Variants in CACNB2 observed in about 807,000 individuals in gnomAD.
The protein encoded by CACNB2 is calcium voltage-gated channel auxiliary subunit beta 2, also known as voltage-dependent L-type calcium channel subunit beta-2.
CACNB2 carries 42 observed loss-of-function variants against 73.3 expected under a neutral mutation model. That is an observed-to-expected ratio of 0.57 (90% CI 0.45 to 0.74). The LOEUF (loss-of-function observed/expected upper bound fraction) is 0.74. Ranked by LOEUF, CACNB2 falls within the 30% of genes least tolerant of loss-of-function variation. The pLI is 0.00. For synonymous variants in CACNB2, 348 were observed against 310.3 expected (o/e 1.12, Z -1.28); for missense variants, 940 against 853.0 (o/e 1.10, Z -1.27).
chr10:18,202,669 T>C (rs768945664), intron 2 of CACNB2, among the ~76,000 whole-genome samples: 1 of 152,224 alleles, frequency 6.6e-6, no homozygotes, highest in Admixed American at 6.5e-5. Context: ...ATGGCATGAA[T>C]TGAAAAGGTT....
At chr10:18,233,021 G>A (rs1271853495) in intron 2 of CACNB2, among the ~76,000 whole-genome samples, 1 of 152,134 alleles carries the variant, frequency 6.6e-6, no homozygotes, top group African/African-American at 2.4e-5. Context: ...GAAGGTCAAG[G>A]CTGCAGTGAA....
At chr10:18,219,020 C>T (rs547958686) in intron 2 of CACNB2, among the ~76,000 whole-genome samples, 10 of 152,236 alleles carry the variant, frequency 6.6e-5, no homozygotes, top group African/African-American at 2.2e-4. Context: ...TAAAAATTAG[C>T]CAGGTGTAAT....
At chr10:18,247,567 T>C (rs1209523523) in intron 2 of CACNB2, among the ~76,000 whole-genome samples, 1 of 152,032 alleles carries the variant, frequency 6.6e-6, no homozygotes, top group African/African-American at 2.4e-5. Context: ...AAAAAAAAAA[T>C]CATACTGTGA....
At chr10:18,331,010 C>G (rs999939314) in intron 2 of CACNB2, among the ~76,000 whole-genome samples, 1 of 134,840 alleles carries the variant, frequency 7.4e-6, no homozygotes, top group African/African-American at 2.8e-5. Context: ...TTTTGGAAAC[C>G]GAGTCTCACT....
At chr10:18,355,675 C>T (rs1195592577) in intron 2 of CACNB2, among the ~76,000 whole-genome samples, 9 of 148,930 alleles carry the variant, frequency 6.0e-5, no homozygotes, top group African/African-American at 2.0e-4. Context: ...CTTGCTCTGT[C>T]GCCCAGGGTG....
chr10:18,286,167 C>G (rs935503393), intron 2 of CACNB2, among the ~76,000 whole-genome samples: 2 of 152,118 alleles, frequency 1.3e-5, no homozygotes, highest in African/African-American at 4.8e-5. Context: ...AAACATGCAG[C>G]AAAGTTGATC....
At chr10:18,186,701 C>T (rs980835243) in intron 2 of CACNB2, among the ~76,000 whole-genome samples, 1 of 152,076 alleles carries the variant, frequency 6.6e-6, no homozygotes, top group Admixed American at 6.6e-5. Flanking sequence ...GAGGACAATA[C>T]CAAGAGAGAT....
chr10:18,400,841 A>T (rs905595268), intron 2 of CACNB2: 12 of 1,464,728 alleles, frequency 8.2e-6, no homozygotes, highest in Non-Finnish European at 9.9e-6. Context: ...CTGGAATGGG[A>T]AAATAAGAAT....
chr10:18,154,846 G>A (rs765920341), intron 2 of CACNB2, among the ~76,000 whole-genome samples: 5 of 152,190 alleles, frequency 3.3e-5, no homozygotes, highest in Non-Finnish European at 5.9e-5. Context: ...ACAGTGAGGA[G>A]GCAGCAGTCC....
At chr10:18,438,230 C>T (rs1368952158) in intron 3 of CACNB2, among the ~76,000 whole-genome samples, 2 of 142,118 alleles carry the variant, frequency 1.4e-5, no homozygotes, top group Non-Finnish European at 3.0e-5. Flanking sequence ...GGGGTTTCAC[C>T]GCACTAGCCA....
At chr10:18,481,630 C>T (rs1035068348) in intron 3 of CACNB2, among the ~76,000 whole-genome samples, 9 of 151,958 alleles carry the variant, frequency 5.9e-5, no homozygotes, top group Non-Finnish European at 1.3e-4. Flanking sequence ...ATCAATCAAT[C>T]ACACCTAGTA....
intron 2 of CACNB2, among the ~76,000 whole-genome samples, chr10:18,399,875 C>A (rs1293286574): frequency 6.6e-6 from 1 of 152,100 alleles, no homozygotes; most frequent in African/African-American, 2.4e-5. Context: ...AAATTAATAA[C>A]TTTAGTGTCT....
At chr10:18,197,220 C>T (rs1435104888) in intron 2 of CACNB2, among the ~76,000 whole-genome samples, 1 of 152,148 alleles carries the variant, frequency 6.6e-6, no homozygotes, top group African/African-American at 2.4e-5. Flanking sequence ...GGGCCTGGCC[C>T]ACAGGGAACA....
intron 2 of CACNB2, among the ~76,000 whole-genome samples, chr10:18,294,418 C>G (rs1198965976): frequency 1.3e-5 from 2 of 152,214 alleles, no homozygotes; most frequent in Non-Finnish European, 2.9e-5. Context: ...CACAGAGTGC[C>G]TCTTCTATGA....
In CACNB2 at chr10:18,268,847, G is replaced by A. The variant is rs141291707; in HGVS notation, c.213+117872G>A. On this transcript the variant is annotated intron_variant, in intron 2 of 13. Coordinates refer to ENST00000324631, the MANE Select transcript of CACNB2 (RefSeq NM_201596.3). ...TCAACCTGAAATGCATTGAGCAAAA[G>A]TAATTCATAAATGGAGGAGTCTACT... 3.0e-3 allele frequency among the ~76,000 whole-genome samples: 455 copies of A among 152,278 alleles called. 1 individual carries two copies. The highest frequency in any genetic ancestry group is 0.01 in the African/African-American group (434 of 41,540).
chr10:18,528,593 A>G (rs1041079263), intron 10 of CACNB2, among the ~76,000 whole-genome samples: 36 of 152,218 alleles, frequency 2.4e-4, no homozygotes, highest in African/African-American at 7.0e-4. Context: ...GATTATATAA[A>G]TAACAGAAAA....
chr10:18,274,626 G>A (rs2038198769), intron 2 of CACNB2, among the ~76,000 whole-genome samples: 1 of 151,860 alleles, frequency 6.6e-6, no homozygotes, highest in Non-Finnish European at 1.5e-5. Flanking sequence ...TTCTCATATA[G>A]TACACACCTT....
At chr10:18,338,721 C>A (rs1455205428) in intron 2 of CACNB2, among the ~76,000 whole-genome samples, 3 of 142,040 alleles carry the variant, frequency 2.1e-5, no homozygotes, top group African/African-American at 8.0e-5. Context: ...TGCCTTCCTG[C>A]CTTCTTTCCT....
At chr10:18,402,163 T>A in intron 3 of CACNB2, 120 bp downstream of exon 3, 1 of 1,163,356 alleles carries the variant, frequency 8.6e-7, no homozygotes, top group Admixed American at 1.8e-5. Flanking sequence ...TGTCTGGTTT[T>A]AGAAAGGTAC....
Sources: gnomAD v4.1 joint callset for allele counts (sites outside exome capture counted in the v4.1 genomes callset) on GRCh38, gnomAD v4.1.1 for gene constraint, MANE v1.5 for transcripts, NCBI Gene and HGNC (gene_info 2026-07-23, HGNC 2026-07-21) for gene names.